C3: variants seen among roughly 807,000 people sequenced by gnomAD.
C3 encodes the protein complement C3, also known as C3 and PZP-like alpha-2-macroglobulin domain-containing protein 1.
A neutral mutation model predicts 207.9 loss-of-function variants in C3; 97 were observed. That is an observed-to-expected ratio of 0.47 (90% CI 0.40 to 0.55). C3 has a LOEUF of 0.55. Among genes scored for constraint, C3 ranks in the 20% least tolerant of loss-of-function variants. The pLI is 0.00. For missense variants in C3, 1,684 were observed against 2,171.7 expected, an observed-to-expected ratio of 0.78 and a Z score of 4.46; for synonymous variants, 848 against 857.6, an observed-to-expected ratio of 0.99 and a Z score of 0.20.
At chr19:6,716,563 T>C (rs1018323902) in intron 4 of C3, 1 of 152,238 alleles carries the variant, frequency 6.6e-6, no homozygotes, top group East Asian at 1.9e-4. Flanking sequence ...ATCCTCATGA[T>C]AATTCTATGA....
At position 6,709,822 on chromosome 19, in the gene C3, C is replaced by A. The variant is rs1188223652; in HGVS notation, c.1707G>T (p.Gln569His). The A allele has an allele frequency of 6.2e-7, 1 of 1,613,908 alleles. No individual in the cohort carries two copies. The highest frequency in any genetic ancestry group is 2.2e-5 in the East Asian group (1 of 44,864). The change falls in exon 14 of 41, where the codon CAG (glutamine) becomes CAT (histidine). Residue 569 changes from glutamine to histidine, a missense_variant. Physicochemically the swap from Gln to His is conservative, Grantham distance 24. Transcript: ENST00000245907. Reference protein sequence around the residue: ...CVGSLVVKSGQSEDRQPVPGQ... With the variant: ...CVGSLVVKSGHSEDRQPVPGQ... ...CAGGTACAGGCTGCCGGTCTTCTGA[C>A]TGGCCGCTTTTTACCACCAGCTGTG... is the stretch of plus-strand genomic sequence containing the variant.
At chr19:6,702,304 C>A (rs1196627211) in intron 18 of C3, 92 bp from the exon 19 acceptor site, 6 of 983,608 alleles carry the variant, frequency 6.1e-6, no homozygotes, top group Middle Eastern at 2.1e-4. Flanking sequence ...AAGGGACAGG[C>A]TGGAAGGGTC....
At chr19:6,701,264 A>G (rs1346185284) in intron 19 of C3, among the ~76,000 whole-genome samples, 1 of 152,148 alleles carries the variant, frequency 6.6e-6, no homozygotes, top group Non-Finnish European at 1.5e-5. Context: ...TGTTTTGCTC[A>G]TTATCATAGT....
At chr19:6,715,815 C>T (rs1330664383) in intron 4 of C3, among the ~76,000 whole-genome samples, 1 of 151,816 alleles carries the variant, frequency 6.6e-6, no homozygotes, top group Admixed American at 6.6e-5. Flanking sequence ...TTAATAAAGA[C>T]GGGGTTTCAC....
intron 35 of C3, 137 bp downstream of exon 35, chr19:6,681,804 C>T: frequency 1.3e-6 from 1 of 760,940 alleles, no homozygotes; most frequent in Non-Finnish European, 2.4e-6. Flanking sequence ...CCCTACAACT[C>T]AGCAGCACAG....
In C3 at chr19:6,686,739, C is replaced by T; in HGVS notation, c.3646+7G>A. ...ATCTCCCTTCACCCCTCCAGGCCAA[C>T]CCTCACCTTTGGCTGTGGTCAGAAA... On this transcript the variant is annotated splice_region_variant and intron_variant, in intron 28 of 40. Coordinates refer to ENST00000245907, the MANE Select transcript of C3 (RefSeq NM_000064.4). 6.2e-7 allele frequency: 1 copy of T among 1,613,458 alleles called. No individual in the cohort carries two copies. Among genetic ancestry groups the T allele is most frequent in the Non-Finnish European group, 8.5e-7 (1 of 1,179,994 alleles).
chr19:6,689,939 G>T (rs1209910937), intron 27 of C3, among the ~76,000 whole-genome samples: 2 of 152,198 alleles, frequency 1.3e-5, no homozygotes, highest in Admixed American at 6.5e-5. Flanking sequence ...CTGAGATCAT[G>T]CCACTGCATT....
Position 6,677,971 on chromosome 19 carries a change from C to T in C3, c.4903G>A (p.Asp1635Asn). Residue 1635 changes from aspartate to asparagine, a missense_variant, in exon 41 of 41, where the codon GAC becomes AAC. Asp to Asn is a conservative substitution (Grantham distance 23). This residue lies in a region of C3 where 346 missense variants were observed against 380.1 expected (regional missense o/e 0.91). Transcript: ENST00000245907. Reference protein sequence around the residue: ...DTWVEHWPEEDECQDEENQKQ... With the variant: ...DTWVEHWPEENECQDEENQKQ... The stretch of plus-strand genomic sequence containing the variant: ...TGGTTCTCTTCGTCTTGGCATTCGT[C>T]CTCCTCGGGCCAGTGCTCCACCCAA... 1 of 1,614,116 alleles carries T rather than the reference C, an allele frequency of 6.2e-7. No homozygotes were observed. Among genetic ancestry groups the T allele is most frequent in the South Asian group, 1.1e-5 (1 of 91,072 alleles).
chr19:6,696,291 G>A lies in C3; in HGVS notation c.2950+88C>T, dbSNP rs1967531863. ...TCTAGCTGAAGGGGAAGAGAAAGGT[G>A]CGGGTTAAACACCTCCAGAATGAGA... is the stretch of plus-strand genomic sequence containing the variant. On this transcript the variant is annotated intron_variant, in intron 23 of 40. Coordinates refer to ENST00000245907, the MANE Select transcript of C3 (RefSeq NM_000064.4). The A allele has an allele frequency of 1.6e-5, 12 of 767,996 alleles. No homozygotes were observed. In the South Asian group the frequency reaches 1.6e-4, roughly 10 times the overall value. 47.6% of individuals were successfully genotyped at this position (767,996 alleles called of 1,614,324 possible).
In C3 at chr19:6,720,599, ACAGTGCAGGGT is replaced by A; in HGVS notation, c.-21_-11del. The A allele has an allele frequency of 1.3e-6, 2 of 1,572,062 alleles. No homozygotes were observed. The highest frequency in any genetic ancestry group is 1.7e-6 in the Non-Finnish European group (2 of 1,157,548). On this transcript the variant is annotated 5_prime_UTR_variant, in exon 1 of 41. Coordinates refer to ENST00000245907, the MANE Select transcript of C3 (RefSeq NM_000064.4). ...CTGAGGTGGGTCCCATGGTGCTGGG[ACAGTGCAGGGT>A]CAGAGGGACAGAGGGACAGAGGGAG...
chr19:6,686,101 C>T (rs757176708), intron 29 of C3, 23 bp downstream of exon 29: 1 of 1,613,268 alleles, frequency 6.2e-7, no homozygotes, highest in Non-Finnish European at 8.5e-7. Flanking sequence ...ATGCATGTGC[C>T]TAGGGGCTGT....
At chr19:6,685,721 C>T (rs1250911664) in intron 29 of C3, among the ~76,000 whole-genome samples, 1 of 152,154 alleles carries the variant, frequency 6.6e-6, no homozygotes, top group Non-Finnish European at 1.5e-5. Context: ...ACTATAGAGC[C>T]CGCCAGTGAG....
chr19:6,681,342 A>T (rs1917855190), intron 35 of C3, among the ~76,000 whole-genome samples: 1 of 121,972 alleles, frequency 8.2e-6, no homozygotes, highest in Non-Finnish European at 1.7e-5. Context: ...GCTGCAGTTA[A>T]AAAAAAAAAA....
At chr19:6,698,013 ATTATTATTAT>A (rs778221317) in intron 19 of C3, among the ~76,000 whole-genome samples, 44,087 of 91,272 alleles carry the variant, frequency 0.48, 7,724 homozygotes, top group East Asian at 0.63. Context: ...TATTATTATT[ATTATTATTAT>A]TATTAATTAT....
intron 13 of C3, 41 bp from the exon 14 acceptor site, chr19:6,709,883 G>C (rs1200964036): frequency 5.6e-6 from 9 of 1,602,094 alleles, no homozygotes; most frequent in Non-Finnish European, 6.0e-6. Flanking sequence ...TCAGCCCTGG[G>C]AGAGAGGAGT....
chr19:6,684,274 T>C, intron 33 of C3, 114 bp downstream of exon 33: 1 of 867,776 alleles, frequency 1.2e-6, no homozygotes, highest in Non-Finnish European at 2.0e-6. Context: ...CTTAGAACAG[T>C]ATCAGATACA....
At chr19:6,716,430 C>T in intron 4 of C3, 1 of 152,266 alleles carries the variant, frequency 6.6e-6, no homozygotes. Context: ...GAGACAGGGT[C>T]TGGCTGTGTT....
At position 6,712,290 on chromosome 19, in the gene C3, G is replaced by A; in HGVS notation, c.1236C>T (p.Asn412=). Residue 412 remains asparagine (N), a synonymous_variant, in exon 11 of 41, where the codon AAC becomes AAT. Coordinates refer to ENST00000245907, the MANE Select transcript of C3 (RefSeq NM_000064.4). The part of the protein sequence containing the change: ...QGDGVAKLSI[N]THPSQKPLSI... ...TCAAGGGCTTCTGGCTGGGGTGTGTGTTGATGCTGAGTTTGGCCACGCCAT... is the reference window on the plus strand; with the variant it reads ...TCAAGGGCTTCTGGCTGGGGTGTGTATTGATGCTGAGTTTGGCCACGCCAT... 6.2e-7 allele frequency: 1 copy of A among 1,614,088 alleles called. No individual in the cohort carries two copies. The highest frequency in any genetic ancestry group is 8.5e-7 in the Non-Finnish European group (1 of 1,180,026).
At chr19:6,697,590 T>C (rs1370438161) in intron 20 of C3, 34 bp from the exon 21 acceptor site, 1 of 1,613,540 alleles carries the variant, frequency 6.2e-7, no homozygotes, top group African/African-American at 1.3e-5. Context: ...GGCAAGTGTG[T>C]GTGCAACAGG....
Sources: allele counts gnomAD v4.1 joint callset (sites outside exome capture counted in the v4.1 genomes callset), GRCh38; gene constraint gnomAD v4.1.1; regional missense constraint gnomAD v4.1.1; transcripts MANE v1.5; gene names NCBI Gene and HGNC (gene_info 2026-07-23, HGNC 2026-07-21).